The following CAMKK1 variants were observed in gnomAD, a reference collection of about 807,000 sequenced individuals.
CAMKK1 encodes the protein calcium/calmodulin-dependent protein kinase kinase 1.
Under a neutral mutation model 63.5 loss-of-function variants are expected in CAMKK1, and 20 were observed. The ratio of observed to expected loss-of-function variants is 0.32; its 90% CI spans 0.22 to 0.46. The LOEUF (loss-of-function observed/expected upper bound fraction) is 0.46, where lower values mean the gene tolerates loss of function less well. CAMKK1 is among the 20% of genes least tolerant of loss of function. The probability of loss-of-function intolerance (pLI) is 1.00; values close to 1 mark genes in which losing one functional copy is unlikely to be tolerated. For synonymous variants in CAMKK1, 253 were observed against 269.0 expected (o/e 0.94, Z 0.58); for missense variants, 588 against 658.1 (o/e 0.89, Z 1.17).
At chr17:3,876,084 T>A in intron 10 of CAMKK1, 139 bp downstream of exon 10, 1 of 788,592 alleles carries the variant, frequency 1.3e-6, no homozygotes, top group Admixed American at 2.9e-5. Flanking sequence ...GTGGAGTTTG[T>A]CAGGCTCCAA....
Position 3,887,934 on chromosome 17 carries a change from C to CG in CAMKK1, c.-43-2205dup, listed in dbSNP as rs2055728011. Reference sequence around the variant, plus strand: ...GAATGTAAGTTTCATGAGATTAGGACGCTCATCTGCCTTGTCTCCAAAAGA... The same window carrying CG: ...GAATGTAAGTTTCATGAGATTAGGACGGCTCATCTGCCTTGTCTCCAAAAGA... On this transcript the variant is annotated intron_variant, in intron 1 of 15. Coordinates refer to ENST00000348335, the MANE Select transcript of CAMKK1 (RefSeq NM_032294.3). This position sits in a 1 kb window ranked among gnomAD's most constrained non-coding sequence, Gnocchi z 6.1. Among the ~76,000 whole-genome samples the CG allele has an allele frequency of 6.6e-6, 1 of 152,148 alleles. No individual in the cohort carries two copies. The highest frequency in any genetic ancestry group is 1.5e-5 in the Non-Finnish European group (1 of 68,016).
intron 13 of CAMKK1, 73 bp from the exon 14 acceptor site, chr17:3,869,688 G>C: frequency 6.2e-7 from 1 of 1,609,492 alleles, no homozygotes; most frequent in South Asian, 1.1e-5. Flanking sequence ...GGGGTCCAAA[G>C]TCCACAGACT....
intron 1 of CAMKK1, among the ~76,000 whole-genome samples, chr17:3,886,215 C>T (rs1381496934): frequency 6.6e-6 from 1 of 152,188 alleles, no homozygotes; most frequent in African/African-American, 2.4e-5. Context: ...CAGACCCACC[C>T]GCCTCCTCCA....
At position 3,885,557 on chromosome 17, in the gene CAMKK1, G is replaced by T; in HGVS notation, c.131C>A (p.Pro44His). The T allele has an allele frequency of 1.9e-6, 3 of 1,614,064 alleles. No homozygotes were observed. Among genetic ancestry groups the T allele is most frequent in the Non-Finnish European group, 2.5e-6 (3 of 1,180,034 alleles). The change falls in exon 2 of 16, where the codon CCC (proline) becomes CAC (histidine). Residue 44 changes from proline (P) to histidine (H), a missense_variant. Coordinates refer to ENST00000348335, the MANE Select transcript of CAMKK1 (RefSeq NM_032294.3). Reference sequence around the variant, plus strand: ...AGAGGCAGCTCTGGCCCGTGGTGGGGGGTCCACACCGTTTCTAGTAGGCTC... The same window carrying T: ...AGAGGCAGCTCTGGCCCGTGGTGGGTGGTCCACACCGTTTCTAGTAGGCTC... ...GPEPTRNGVD[P>H]PPRARAASVI...
rs368391031 is a variant in CAMKK1 at position 3,861,485 on chromosome 17, G to C, written c.*726C>G. ...TTCAGTCCACTTTCCAGATAACGCCGAATGCGAAACACAGTCCAGGAAAGT... is the reference window on the plus strand; with the variant it reads ...TTCAGTCCACTTTCCAGATAACGCCCAATGCGAAACACAGTCCAGGAAAGT... On this transcript the variant is annotated 3_prime_UTR_variant, in exon 16 of 16. Transcript: ENST00000348335. 6.6e-6 allele frequency: 1 copy of C among 152,388 alleles called. No homozygotes were observed. The highest frequency in any genetic ancestry group is 6.5e-5 in the Admixed American group (1 of 15,292). The allele number at this position is 152,388 out of a possible 1,614,324, so 9.4% of individuals were successfully genotyped here. A position where few individuals can be genotyped will look rare whatever the true frequency, so the allele number is the denominator to read the frequency against.
At chr17:3,869,773 C>T in intron 13 of CAMKK1, 28 bp downstream of exon 13, 2 of 1,610,130 alleles carry the variant, frequency 1.2e-6, no homozygotes, top group Non-Finnish European at 1.7e-6. Flanking sequence ...TGTGTCCCAG[C>T]CCAGCCCAAG....
chr17:3,883,823 C>A lies in CAMKK1; in HGVS notation c.462+61G>T. On this transcript the variant is annotated intron_variant, in intron 4 of 15. Coordinates refer to ENST00000348335, the MANE Select transcript of CAMKK1 (RefSeq NM_032294.3). The surrounding 1 kb of genome is among the most constrained non-coding windows in gnomAD (Gnocchi z 4.7). ...CTATCTCCTAAGCACAACTCCTGCCCCACCCCTCAGGCTTCCAGGGCCTGG... is the reference window on the plus strand; with the variant it reads ...CTATCTCCTAAGCACAACTCCTGCCACACCCCTCAGGCTTCCAGGGCCTGG... 3 of 1,556,572 alleles carry A rather than the reference C, an allele frequency of 1.9e-6. No homozygotes were observed. In the South Asian group the frequency reaches 3.3e-5, roughly 17 times the overall value.
rs2054505373 is a variant in CAMKK1, at chr17:3,866,013, TGAG to T, written c.1342-5_1342-3del. On this transcript the variant is annotated splice_polypyrimidine_tract_variant and splice_region_variant and intron_variant, in intron 14 of 15. Coordinates refer to ENST00000348335, the MANE Select transcript of CAMKK1 (RefSeq NM_032294.3). ...CCTCAGCATGGACTTCACCAGGATC[TGAG>T]GAGGACAAGGCAGCGTGAGGAGCAC... The T allele has an allele frequency of 1.2e-6, 2 of 1,613,862 alleles. No homozygotes were observed. Among genetic ancestry groups the T allele is most frequent in the Non-Finnish European group, 8.5e-7 (1 of 1,179,908 alleles).
rs866410979 is a variant in CAMKK1 at position 3,871,358 on chromosome 17, T to G, written c.1124+1196A>C. 5.7e-4 allele frequency among the ~76,000 whole-genome samples: 58 copies of G among 102,484 alleles called. 1 individual carries two copies. The highest frequency in any genetic ancestry group is 2.2e-3 in the East Asian group (5 of 2,318). 67.2% of individuals were successfully genotyped at this position (102,484 alleles called of 152,430 possible). A position where few individuals can be genotyped will look rare whatever the true frequency, so the allele number is the denominator to read the frequency against. On this transcript the variant is annotated intron_variant, in intron 12 of 15. Coordinates refer to ENST00000348335, the MANE Select transcript of CAMKK1 (RefSeq NM_032294.3). Reference sequence around the variant, plus strand: ...GTTTTTTTTTTTTTGTTTTTTTTTTTTTTTTTTTTTTTTTGAGACAGAGTC... The same window carrying G: ...GTTTTTTTTTTTTTGTTTTTTTTTTGTTTTTTTTTTTTTTGAGACAGAGTC...
At chr17:3,870,383 T>C (rs79819740) in intron 12 of CAMKK1, among the ~76,000 whole-genome samples, 1 of 151,692 alleles carries the variant, frequency 6.6e-6, no homozygotes, top group South Asian at 2.1e-4. Flanking sequence ...TTTTTTTTTT[T>C]GAGATGGAGT....
rs1194942186 is a variant in CAMKK1, at chr17:3,892,330, G to A, written c.-44+609C>T. Among the ~76,000 whole-genome samples, 2 of 151,200 alleles carry A rather than the reference G, an allele frequency of 1.3e-5. No individual in the cohort carries two copies. Among genetic ancestry groups the A allele is most frequent in the East Asian group, 1.9e-4 (1 of 5,138 alleles). On this transcript the variant is annotated intron_variant, in intron 1 of 15. Transcript: ENST00000348335. This position sits in a 1 kb window ranked among gnomAD's most constrained non-coding sequence, Gnocchi z 7.5. ...GCGTCCACGTGACACACGCACACCCGCCTCCAAACAGCACACGCAGGTCCC... is the reference window on the plus strand; with the variant it reads ...GCGTCCACGTGACACACGCACACCCACCTCCAAACAGCACACGCAGGTCCC...
rs138058787 is a variant in CAMKK1 at position 3,868,228 on chromosome 17, CG to C, written c.1341+1258del. On this transcript the variant is annotated intron_variant, in intron 14 of 15. Coordinates refer to ENST00000348335, the MANE Select transcript of CAMKK1 (RefSeq NM_032294.3). ...ACGTGGGCTCTGGGGGAGAAGCAGG[CG>C]CCGTCTAACTGATACGTGGGCTCTG... 2.0e-4 allele frequency among the ~76,000 whole-genome samples: 9 copies of C among 44,774 alleles called. 1 individual carries two copies. The highest frequency in any genetic ancestry group is 1.6e-3 in the African/African-American group (9 of 5,730). 29.4% of individuals were successfully genotyped at this position (44,774 alleles called of 152,430 possible).
Position 3,861,839 on chromosome 17 carries a change from G to T in CAMKK1, c.*372C>A. 1 of 287,600 alleles carries T rather than the reference G, an allele frequency of 3.5e-6. No homozygotes were observed. Among genetic ancestry groups the T allele is most frequent in the East Asian group, 7.7e-5 (1 of 12,956 alleles). The allele number at this position is 287,600 out of a possible 1,614,324, so 17.8% of individuals were successfully genotyped here. A position where few individuals can be genotyped will look rare whatever the true frequency, so the allele number is the denominator to read the frequency against. On this transcript the variant is annotated 3_prime_UTR_variant, in exon 16 of 16. Transcript: ENST00000348335. ...CCAGCGGGAGGTCTCTTCCGTTGTG[G>T]TAAGCCTGGCCTCCACCTGCCATCT...
Position 3,890,805 on chromosome 17 carries a change from T to G in CAMKK1, c.-44+2134A>C. ...ACACACCTCCCTCTCCTCTGCTGCC[T>G]GGAGGACAGCTCAGACATCGCCTCT... On this transcript the variant is annotated intron_variant, in intron 1 of 15. Coordinates refer to ENST00000348335, the MANE Select transcript of CAMKK1 (RefSeq NM_032294.3). The surrounding 1 kb of genome is among the most constrained non-coding windows in gnomAD (Gnocchi z 6.5). 1 of 779,530 alleles carries G rather than the reference T, an allele frequency of 1.3e-6. No homozygotes were observed. Among genetic ancestry groups the G allele is most frequent in the Non-Finnish European group, 2.4e-6 (1 of 417,806 alleles). The allele number at this position is 779,530 out of a possible 1,614,324, so 48.3% of individuals were successfully genotyped here. A position where few individuals can be genotyped will look rare whatever the true frequency, so the allele number is the denominator to read the frequency against.
Position 3,882,073 on chromosome 17 carries a change from C to G in CAMKK1, c.686-425G>C. 1 of 563,084 alleles carries G rather than the reference C, an allele frequency of 1.8e-6. No individual in the cohort carries two copies. The highest frequency in any genetic ancestry group is 3.1e-6 in the Non-Finnish European group (1 of 320,534). 34.9% of individuals were successfully genotyped at this position (563,084 alleles called of 1,614,324 possible). ...CCAGCCCTGAACCAGACACAAGGAACTAAAATAATAACATTACTATTAACA... is the reference window on the plus strand; with the variant it reads ...CCAGCCCTGAACCAGACACAAGGAAGTAAAATAATAACATTACTATTAACA... On this transcript the variant is annotated intron_variant, in intron 7 of 15. Transcript: ENST00000348335. The surrounding 1 kb of genome is among the most constrained non-coding windows in gnomAD (Gnocchi z 4.3).
intron 1 of CAMKK1, among the ~76,000 whole-genome samples, chr17:3,888,771 C>T (rs961130834): frequency 6.6e-6 from 1 of 152,094 alleles, no homozygotes; most frequent in Non-Finnish European, 1.5e-5. Context: ...AGCGCGTCTG[C>T]GAGGGAGGCG....
At chr17:3,872,254 G>A (rs2054921538) in intron 12 of CAMKK1, among the ~76,000 whole-genome samples, 1 of 152,186 alleles carries the variant, frequency 6.6e-6, no homozygotes, top group African/African-American at 2.4e-5. Flanking sequence ...CCAGGGGCTG[G>A]GTGGGGCTGG....
rs1209940834 is a variant in CAMKK1 at position 3,884,928 on chromosome 17, G to A, written c.360+400C>T. Among the ~76,000 whole-genome samples, 2 of 152,202 alleles carry A rather than the reference G, an allele frequency of 1.3e-5. No homozygotes were observed. Among genetic ancestry groups the A allele is most frequent in the Non-Finnish European group, 2.9e-5 (2 of 68,042 alleles). On this transcript the variant is annotated intron_variant, in intron 2 of 15. Coordinates refer to ENST00000348335, the MANE Select transcript of CAMKK1 (RefSeq NM_032294.3). The surrounding 1 kb of genome is among the most constrained non-coding windows in gnomAD (Gnocchi z 4.5). ...CTAAATGGCAAGAACTCCAGCAGAAGCCCAGAGGCTGGAGGCAGGCCGGCC... is the reference window on the plus strand; with the variant it reads ...CTAAATGGCAAGAACTCCAGCAGAAACCCAGAGGCTGGAGGCAGGCCGGCC...
chr17:3,885,776 G>A (rs1212915505), intron 1 of CAMKK1, 46 bp from the exon 2 acceptor site: 2 of 1,560,370 alleles, frequency 1.3e-6, no homozygotes, highest in East Asian at 4.5e-5. Context: ...GTGTCAGGCT[G>A]GCTACCAGGT....
Sources: allele counts gnomAD v4.1 joint callset (sites outside exome capture counted in the v4.1 genomes callset), GRCh38; gene constraint gnomAD v4.1.1; non-coding constraint Gnocchi (gnomAD v3.1); transcripts MANE v1.5; gene names NCBI Gene and HGNC (gene_info 2026-07-23, HGNC 2026-07-21).